The following WDR86 variants were observed in gnomAD, a reference collection of about 807,000 sequenced individuals.
WDR86 encodes WD repeat domain 86.
In WDR86, 30 loss-of-function variants were observed where a neutral mutation model predicts 36.5. That is an observed-to-expected ratio of 0.82 (90% CI 0.61 to 1.11). The LOEUF is 1.11. WDR86 is among the 50% of genes most tolerant of loss of function. The probability of loss-of-function intolerance (pLI) is 0.00; values close to 1 mark genes in which losing one functional copy is unlikely to be tolerated. For synonymous variants in WDR86, 255 were observed against 252.9 expected (o/e 1.01, Z -0.08); for missense variants, 545 against 561.2 (o/e 0.97, Z 0.29).
chr7:151,376,817 T>C (rs938951170), downstream of WDR86: 8 of 1,574,154 alleles, frequency 5.1e-6, no homozygotes, highest in South Asian at 1.2e-5. Flanking sequence ...CGCAGGTAGG[T>C]CTGAGGTCTT....
At position 151,385,273 on chromosome 7, in the gene WDR86, C is replaced by T. The variant is rs769733129; in HGVS notation, c.727-50G>A. 1.2e-6 allele frequency: 2 copies of T among 1,602,554 alleles called. 1 individual carries two copies. Among genetic ancestry groups the T allele is most frequent in the South Asian group, 2.2e-5 (2 of 90,860 alleles). ...GGCAGCTGGGGCAGCTCTGAAGCCC[C>T]CCAGACCTCTCCCTCTATAAGGGGG... On this transcript the variant is annotated intron_variant, in intron 3 of 5. Transcript: ENST00000334493.
intron 3 of WDR86, among the ~76,000 whole-genome samples, chr7:151,395,494 GACACACACACAC>G (rs57122668): frequency 0.012 from 1,719 of 147,142 alleles, 31 homozygotes; most frequent in African/African-American, 0.041. Flanking sequence ...AAGAGATTAG[GACACACACACAC>G]ACACACACAC....
At chr7:151,395,214 G>T (rs1396813797) in intron 3 of WDR86, among the ~76,000 whole-genome samples, 1 of 152,180 alleles carries the variant, frequency 6.6e-6, no homozygotes, top group African/African-American at 2.4e-5. Flanking sequence ...CGTTCACCCT[G>T]ACAGCACAAA....
In WDR86 at chr7:151,388,647, C is replaced by T. The variant is rs915325897; in HGVS notation, c.727-3424G>A. On this transcript the variant is annotated intron_variant, in intron 3 of 5. Coordinates refer to ENST00000334493, the MANE Select transcript of WDR86 (RefSeq NM_198285.3). This position sits in a 1 kb window ranked among gnomAD's most constrained non-coding sequence, Gnocchi z 4.2. ...GCCCTGCATGCAGTCCTGTAAAAGG[C>T]GAGGGAGGCAGAGGCCCCTCTGGGC... 3.3e-5 allele frequency among the ~76,000 whole-genome samples: 5 copies of T among 152,192 alleles called. No homozygotes were observed. Among genetic ancestry groups the T allele is most frequent in the Admixed American group, 1.3e-4 (2 of 15,286 alleles).
chr7:151,402,222 G>A (rs1800398243), intron 1 of WDR86, among the ~76,000 whole-genome samples: 2 of 151,612 alleles, frequency 1.3e-5, no homozygotes, highest in African/African-American at 4.8e-5. Flanking sequence ...AGGGCTGGAA[G>A]AGGCCAGGAA....
downstream of WDR86, among the ~76,000 whole-genome samples, chr7:151,371,369 C>A (rs914468640): frequency 1.6e-5 from 2 of 127,796 alleles, no homozygotes; most frequent in Non-Finnish European, 3.2e-5. Context: ...CCCCACCCCC[C>A]ACCCCATGTC....
downstream of WDR86, chr7:151,376,577 G>A (rs192941020): frequency 2.2e-4 from 336 of 1,496,062 alleles, 3 homozygotes; most frequent in East Asian, 6.6e-3. Flanking sequence ...TATGGCTGAC[G>A]GGGGTGGCAG....
At chr7:151,389,437 G>A (rs1430992351) in intron 3 of WDR86, among the ~76,000 whole-genome samples, 1 of 152,126 alleles carries the variant, frequency 6.6e-6, no homozygotes, top group African/African-American at 2.4e-5. Context: ...ACGCACCATC[G>A]CCGGGCGGCT....
downstream of WDR86, chr7:151,377,493 C>T (rs180789808): frequency 8.9e-5 from 23 of 257,864 alleles, no homozygotes; most frequent in African/African-American, 1.3e-4. Flanking sequence ...TGTTTTACCC[C>T]GAAACAGGAA....
rs1294092314 is a variant in WDR86, at chr7:151,405,189, C to T, written c.163+4238G>A. ...AGTGGGCTCACTCTTATCTAAGACT[C>T]CCATTGGGTTAGAAAAGAGGGAGCC... On this transcript the variant is annotated intron_variant, in intron 1 of 5. Coordinates refer to ENST00000334493, the MANE Select transcript of WDR86 (RefSeq NM_198285.3). The surrounding 1 kb of genome is among the most constrained non-coding windows in gnomAD (Gnocchi z 4.7). Among the ~76,000 whole-genome samples the T allele has an allele frequency of 6.6e-6, 1 of 152,070 alleles. No individual in the cohort carries two copies. The highest frequency in any genetic ancestry group is 1.5e-5 in the Non-Finnish European group (1 of 68,010).
rs566916607 is a variant in WDR86 at position 151,385,225 on chromosome 7, T to G, written c.727-2A>C. Reference sequence around the variant, plus strand: ...AGAGTACACGAGTCGGTTCACCAGCTGCGAGGAGGAGCAGGGAAGGTCGGC... The same window carrying G: ...AGAGTACACGAGTCGGTTCACCAGCGGCGAGGAGGAGCAGGGAAGGTCGGC... On this transcript the variant is annotated splice_acceptor_variant, in intron 3 of 5. Transcript: ENST00000334493. LOFTEE classifies it high-confidence loss of function. 6.2e-7 allele frequency: 1 copy of G among 1,611,168 alleles called. No homozygotes were observed. The highest frequency in any genetic ancestry group is 1.1e-5 in the South Asian group (1 of 91,074).
chr7:151,376,463 C>T (rs1202942742), downstream of WDR86: 6 of 635,962 alleles, frequency 9.4e-6, no homozygotes, highest in African/African-American at 3.7e-5. Context: ...AAGCCCCCTT[C>T]CAGGTTGCTC....
In WDR86 at chr7:151,401,128, A is replaced by G. The variant is rs539296045; in HGVS notation, c.164-887T>C. 6.6e-6 allele frequency among the ~76,000 whole-genome samples: 1 copy of G among 152,266 alleles called. No homozygotes were observed. The highest frequency in any genetic ancestry group is 1.9e-4 in the East Asian group (1 of 5,172). On this transcript the variant is annotated intron_variant, in intron 1 of 5. Coordinates refer to ENST00000334493, the MANE Select transcript of WDR86 (RefSeq NM_198285.3). This position sits in a 1 kb window ranked among gnomAD's most constrained non-coding sequence, Gnocchi z 4.3. The stretch of plus-strand genomic sequence containing the variant: ...ACTCCTAAAAAGGGATCCTCCCTCC[A>G]GCCGGTCTTTGCTCTCTCATCCTCA...
At chr7:151,375,241 A>G (rs754293616), downstream of WDR86, among the ~76,000 whole-genome samples, 2 of 152,196 alleles carry the variant, frequency 1.3e-5, no homozygotes, top group Non-Finnish European at 2.9e-5. Context: ...TTTTATTTGA[A>G]TATCATCTAG....
chr7:151,376,589 A>G (rs1431188632), downstream of WDR86: 2 of 1,536,904 alleles, frequency 1.3e-6, no homozygotes, highest in Non-Finnish European at 1.8e-6. Flanking sequence ...GGGTGGCAGA[A>G]GAGGCGCCAG....
rs1051054313 is a variant in WDR86 at position 151,381,487 on chromosome 7, C to T, written c.*95G>A. On this transcript the variant is annotated 3_prime_UTR_variant, in exon 6 of 6. Transcript: ENST00000334493. This position sits in a 1 kb window ranked among gnomAD's most constrained non-coding sequence, Gnocchi z 4.8. The stretch of plus-strand genomic sequence containing the variant: ...CCGGGCTTCCTCGCTCCTCGCCCCT[C>T]GCCGGCCATCGGGCGCCACCACCGC... 3.4e-6 allele frequency: 5 copies of T among 1,464,786 alleles called. No homozygotes were observed. The highest frequency in any genetic ancestry group is 5.3e-5 in the Admixed American group (2 of 37,662). 90.7% of individuals were successfully genotyped at this position (1,464,786 alleles called of 1,614,324 possible).
chr7:151,407,710 G>A (rs919061618), intron 1 of WDR86, among the ~76,000 whole-genome samples: 3 of 152,046 alleles, frequency 2.0e-5, no homozygotes. Flanking sequence ...GCGTGGTGGC[G>A]AGCACCTGTA....
chr7:151,402,249 G>C (rs1800400831), intron 1 of WDR86, among the ~76,000 whole-genome samples: 1 of 151,474 alleles, frequency 6.6e-6, no homozygotes, highest in Non-Finnish European at 1.5e-5. Flanking sequence ...GTTCCCTGCA[G>C]GGTTTAGATG....
Position 151,381,710 on chromosome 7 carries a change from C to A in WDR86, c.1003G>T (p.Gly335Cys), listed in dbSNP as rs1798584524. Reference sequence around the variant, plus strand: ...CGCACGTCCCAGAGGCGCAGGGCGCCGTCGTGCGAGGCGGTGTAGAGCACC... The same window carrying A: ...CGCACGTCCCAGAGGCGCAGGGCGCAGTCGTGCGAGGCGGTGTAGAGCACC... ...GQVLYTASHD[G>C]ALRLWDVRGL... Residue 335 changes from glycine (G) to cysteine (C), a missense_variant, in exon 6 of 6, where the codon GGC becomes TGC. Coordinates refer to ENST00000334493, the MANE Select transcript of WDR86 (RefSeq NM_198285.3). The surrounding 1 kb of genome is among the most constrained non-coding windows in gnomAD (Gnocchi z 4.8). 1 of 1,495,126 alleles carries A rather than the reference C, an allele frequency of 6.7e-7. No individual in the cohort carries two copies. 92.6% of individuals were successfully genotyped at this position (1,495,126 alleles called of 1,614,324 possible).
Sources: allele counts gnomAD v4.1 joint callset (sites outside exome capture counted in the v4.1 genomes callset), GRCh38; gene constraint gnomAD v4.1.1; non-coding constraint Gnocchi (gnomAD v3.1); transcripts MANE v1.5; gene names NCBI Gene and HGNC (gene_info 2026-07-23, HGNC 2026-07-21).